MBP: variants seen among roughly 807,000 people sequenced by gnomAD.
MBP encodes the protein Golli-MBP.
In MBP, 16 loss-of-function variants were observed where a neutral mutation model predicts 35.8. The observed-to-expected ratio is 0.45, with a 90% CI of 0.30 to 0.68. MBP has a LOEUF of 0.68. Ranked by LOEUF, MBP falls within the 30% of genes least tolerant of loss-of-function variation. MBP has a pLI of 0.08. For missense variants in MBP, 380 were observed against 404.7 expected, an observed-to-expected ratio of 0.94 and a Z score of 0.52; for synonymous variants, 143 against 159.6, an observed-to-expected ratio of 0.90 and a Z score of 0.78.
Position 76,979,894 on chromosome 18 carries a change from C to T in MBP, c.*533G>A, listed in dbSNP as rs1277244778. On this transcript the variant is annotated 3_prime_UTR_variant, in exon 9 of 9. Transcript: ENST00000355994. Reference sequence around the variant, plus strand: ...ACCAAAAGCTCCCACATGTAGTAAGCCACTCCTTGACTGTCTAATCCTGTT... The same window carrying T: ...ACCAAAAGCTCCCACATGTAGTAAGTCACTCCTTGACTGTCTAATCCTGTT... The T allele has an allele frequency of 1.4e-6, 1 of 697,188 alleles. No homozygotes were observed. The highest frequency in any genetic ancestry group is 1.8e-5 in the African/African-American group (1 of 56,694). 43.2% of individuals were successfully genotyped at this position (697,188 alleles called of 1,614,324 possible).
intron 2 of MBP, among the ~76,000 whole-genome samples, chr18:77,090,128 T>G (rs1325321503): frequency 6.6e-6 from 1 of 152,236 alleles, no homozygotes; most frequent in Admixed American, 6.5e-5. Flanking sequence ...CAGAGGGGCC[T>G]CAGCCTTAAA....
chr18:77,102,060 A>G lies in MBP; in HGVS notation c.51+3151T>C, dbSNP rs187335725. 1.1e-3 allele frequency among the ~76,000 whole-genome samples: 162 copies of G among 152,276 alleles called. 1 individual carries two copies. Among genetic ancestry groups the G allele is most frequent in the African/African-American group, 3.2e-3 (132 of 41,554 alleles). ...GAAGTCGGATGATAAACAAATCACC[A>G]GGATCTGTATCAGAGCACTCAGCCG... On this transcript the variant is annotated intron_variant, in intron 2 of 8. Transcript: ENST00000355994. This position sits in a 1 kb window ranked among gnomAD's most constrained non-coding sequence, Gnocchi z 4.4.
intron 3 of MBP, among the ~76,000 whole-genome samples, chr18:77,064,735 G>T (rs1297700167): frequency 6.6e-6 from 1 of 152,212 alleles, no homozygotes; most frequent in Non-Finnish European, 1.5e-5. Context: ...AATAAGCAAA[G>T]ATCATGCTAG....
At chr18:77,031,890 G>C (rs916491507) in intron 3 of MBP, among the ~76,000 whole-genome samples, 2 of 152,198 alleles carry the variant, frequency 1.3e-5, no homozygotes, top group Non-Finnish European at 2.9e-5. Flanking sequence ...TGGGAGCCAG[G>C]GCTTTTGTCG....
In MBP at chr18:77,044,549, C is replaced by T. The variant is rs985060454; in HGVS notation, c.139+21749G>A. Among the ~76,000 whole-genome samples the T allele has an allele frequency of 1.3e-5, 2 of 152,102 alleles. No homozygotes were observed. The highest frequency in any genetic ancestry group is 2.9e-5 in the Non-Finnish European group (2 of 68,024). On this transcript the variant is annotated intron_variant, in intron 3 of 8. Transcript: ENST00000355994. This position sits in a 1 kb window ranked among gnomAD's most constrained non-coding sequence, Gnocchi z 4.4. ...AAGCCCTCTCCAGGGCCCTCGGCCTCGCTGTCTCACATCACTCGCCTCCCT... is the reference window on the plus strand; with the variant it reads ...AAGCCCTCTCCAGGGCCCTCGGCCTTGCTGTCTCACATCACTCGCCTCCCT...
At chr18:77,016,183 A>T (rs191370980) in intron 4 of MBP, 1 of 982,610 alleles carries the variant, frequency 1.0e-6, no homozygotes, top group Admixed American at 6.2e-5. Flanking sequence ...ATTTTTATCC[A>T]CATTTGCTTT....
intron 7 of MBP, chr18:76,986,716 G>A (rs1437880742): frequency 1.0e-6 from 1 of 985,380 alleles, no homozygotes; most frequent in Non-Finnish European, 1.2e-6. Context: ...TTGCCAGCCT[G>A]GCTCTACATG....
intron 2 of MBP, among the ~76,000 whole-genome samples, chr18:77,104,784 C>T (rs1446393477): frequency 2.0e-5 from 3 of 152,122 alleles, no homozygotes; most frequent in African/African-American, 7.2e-5. Context: ...AATTTACAAT[C>T]TCTTTCCTCT....
intron 3 of MBP, among the ~76,000 whole-genome samples, chr18:77,029,446 GA>G (rs1972456015): frequency 7.8e-6 from 1 of 127,930 alleles, no homozygotes; most frequent in Admixed American, 7.7e-5. Context: ...GAGGGAGGGG[GA>G]GGGGGAGGGG....
chr18:77,022,510 G>T (rs1972030607), intron 3 of MBP, among the ~76,000 whole-genome samples: 1 of 151,356 alleles, frequency 6.6e-6, no homozygotes, highest in Admixed American at 6.6e-5. Flanking sequence ...GCAACGTGAA[G>T]AATACTGTGG....
At chr18:77,123,070 A>G (rs1463802924) in intron 1 of MBP, among the ~76,000 whole-genome samples, 4 of 152,242 alleles carry the variant, frequency 2.6e-5, no homozygotes, top group Non-Finnish European at 5.9e-5. Flanking sequence ...ATTTTCTCTT[A>G]ACATACCCTG....
rs1969260471 is a variant in MBP, at chr18:76,982,420, T to A, written c.871-1949A>T. On this transcript the variant is annotated intron_variant, in intron 8 of 8. Coordinates refer to ENST00000355994, the MANE Select transcript of MBP (RefSeq NM_001025101.2). ...AAAAGGCAGATACTCTTGCCTCCACTTTGACATCTCACAACTCCACAGCAA... is the reference window on the plus strand; with the variant it reads ...AAAAGGCAGATACTCTTGCCTCCACATTGACATCTCACAACTCCACAGCAA... 6.6e-5 allele frequency: 10 copies of A among 152,372 alleles called. No homozygotes were observed. The South Asian group carries it at 2.1e-3, about 32-fold the overall frequency. The allele number at this position is 152,372 out of a possible 1,614,324, so 9.4% of individuals were successfully genotyped here. A position where few individuals can be genotyped will look rare whatever the true frequency, so the allele number is the denominator to read the frequency against.
chr18:77,126,024 A>T (rs540908833), intron 1 of MBP, among the ~76,000 whole-genome samples: 106 of 152,320 alleles, frequency 7.0e-4, no homozygotes, highest in African/African-American at 2.5e-3. Flanking sequence ...AATTTTATAC[A>T]ATCTCTTCCA....
chr18:77,069,780 G>A (rs888978225), intron 2 of MBP, among the ~76,000 whole-genome samples: 27 of 152,142 alleles, frequency 1.8e-4, no homozygotes, highest in African/African-American at 6.3e-4. Flanking sequence ...TTGTGCACAC[G>A]TTGGTCCCAC....
At chr18:76,987,579 C>A (rs1230566168) in intron 7 of MBP, 14 of 984,842 alleles carry the variant, frequency 1.4e-5, no homozygotes, top group Non-Finnish European at 1.6e-5. Flanking sequence ...TGTTGTTTTT[C>A]TTTTAAAATG....
intron 3 of MBP, among the ~76,000 whole-genome samples, chr18:77,047,152 C>A (rs746669067): frequency 6.6e-5 from 10 of 152,254 alleles, no homozygotes; most frequent in Admixed American, 5.9e-4. Flanking sequence ...CCCAAGAGAA[C>A]CGCAGACCTA....
At chr18:77,012,522 A>G (rs1001707738) in intron 4 of MBP, among the ~76,000 whole-genome samples, 1 of 152,246 alleles carries the variant, frequency 6.6e-6, no homozygotes, top group Non-Finnish European at 1.5e-5. Flanking sequence ...CTGTGTAGTA[A>G]AAGCAGATGA....
chr18:77,122,595 T>G (rs1453860770), intron 1 of MBP, among the ~76,000 whole-genome samples: 1 of 152,212 alleles, frequency 6.6e-6, no homozygotes, highest in Non-Finnish European at 1.5e-5. Context: ...CAGGCTGGAG[T>G]GCATTGGCGC....
intron 1 of MBP, chr18:77,113,931 C>T (rs1276241284): frequency 1.3e-5 from 2 of 152,232 alleles, no homozygotes; most frequent in Non-Finnish European, 2.9e-5. Flanking sequence ...CTACAGCAAG[C>T]TTCCCCGTGA....
Sources: allele counts gnomAD v4.1 joint callset (sites outside exome capture counted in the v4.1 genomes callset), GRCh38; gene constraint gnomAD v4.1.1; non-coding constraint Gnocchi (gnomAD v3.1); transcripts MANE v1.5; gene names NCBI Gene and HGNC (gene_info 2026-07-23, HGNC 2026-07-21).